DMD: variants seen among roughly 807,000 people sequenced by gnomAD.
DMD encodes the protein dystrophin.
In DMD, 63 loss-of-function variants were observed where a neutral mutation model predicts 330.1. The ratio of observed to expected loss-of-function variants is 0.19; its 90% CI spans 0.16 to 0.24. The LOEUF is 0.24. Among genes scored for constraint, DMD ranks in the 10% least tolerant of loss-of-function variants. The pLI is 1.00. For missense variants in DMD, 3,344 were observed against 2,684.1 expected (o/e 1.25, Z -5.43); for synonymous variants, 1,223 against 959.8 (o/e 1.27, Z -5.07).
chrX:33,088,881 C>T (rs2095046228), intron 1 of DMD, among the ~76,000 whole-genome samples: 1 of 110,260 alleles, frequency 9.1e-6, no homozygotes, highest in Non-Finnish European at 1.9e-5. Flanking sequence ...AAAAGTGACA[C>T]AAAAAGGTGA....
intron 1 of DMD, among the ~76,000 whole-genome samples, chrX:33,332,587 G>C (rs1381331894): frequency 9.0e-6 from 1 of 110,862 alleles, no homozygotes; most frequent in African/African-American, 3.3e-5. Flanking sequence ...AAAGACTTTT[G>C]GCTATTTGAT....
chrX:33,056,349 CTTTTTCTTTTCT>C (rs1361633386), intron 1 of DMD, among the ~76,000 whole-genome samples: 12 of 101,273 alleles, frequency 1.2e-4, no homozygotes, highest in African/African-American at 3.9e-4. Flanking sequence ...TTTTTTTTTT[CTTTTTCTTTTCT>C]TTTTTCTTTT....
chrX:31,353,420 C>T (rs552302145), intron 60 of DMD, among the ~76,000 whole-genome samples: 3 of 111,552 alleles, frequency 2.7e-5, no homozygotes, highest in African/African-American at 9.8e-5. Context: ...CAGAAAGAGG[C>T]TGTTGTAACT....
At chrX:33,107,749 TATTTATTC>T (rs926385668) in intron 1 of DMD, among the ~76,000 whole-genome samples, 1 of 111,954 alleles carries the variant, frequency 8.9e-6, no homozygotes, top group African/African-American at 3.2e-5. Context: ...AAGATTCATT[TATTTATTC>T]ATTCATTCAG....
chrX:32,796,920 CATTATTTTACCCAAAT>C (rs1036287752), intron 7 of DMD, among the ~76,000 whole-genome samples: 11 of 111,850 alleles, frequency 9.8e-5, no homozygotes, highest in African/African-American at 3.6e-4. Context: ...TTTAGTTCAT[CATTATTTTACCCAAAT>C]ATTGTTGTAA....
chrX:32,728,641 T>C lies in DMD; in HGVS notation c.650-29348A>G, dbSNP rs1417866864. ...CATTTCACCTTGGCCTATGAGAAAATGTGATAGTTATGGTATTAATTGATA... is the reference window on the plus strand; with the variant it reads ...CATTTCACCTTGGCCTATGAGAAAACGTGATAGTTATGGTATTAATTGATA... On this transcript the variant is annotated intron_variant, in intron 7 of 78. Coordinates refer to ENST00000357033, the MANE Select transcript of DMD (RefSeq NM_004006.3). 2.7e-5 allele frequency among the ~76,000 whole-genome samples: 3 copies of C among 112,104 alleles called. No individual in the cohort carries two copies. In the East Asian group the frequency reaches 8.4e-4, roughly 31 times the overall value.
At chrX:31,891,245 A>G (rs2149762460) in intron 47 of DMD, among the ~76,000 whole-genome samples, 1 of 111,827 alleles carries the variant, frequency 8.9e-6, no homozygotes, top group African/African-American at 3.2e-5. Context: ...AAGTGAATAC[A>G]ATTCAAAGAT....
At chrX:31,698,120 A>G (rs954021831) in intron 52 of DMD, among the ~76,000 whole-genome samples, 3 of 112,251 alleles carry the variant, frequency 2.7e-5, no homozygotes, top group African/African-American at 9.7e-5. Flanking sequence ...AGTGCACACT[A>G]TGGATCTCAC....
In DMD at chrX:33,230,969, A is replaced by AAAT. The variant is rs1557304613; in HGVS notation, c.7+108289_7+108290insATT. On this transcript the variant is annotated intron_variant, in intron 1 of 17. Coordinates refer to the DMD transcript ENST00000288447. The stretch of plus-strand genomic sequence containing the variant: ...GGAACATAATAGCCAAAAAAAAAAA[A>AAAT]AAATAAATAACAGTTGGAATCAGGC... 2.6e-4 allele frequency among the ~76,000 whole-genome samples: 27 copies of AAAT among 105,564 alleles called. 1 individual carries two copies. The South Asian group carries it at 5.6e-3, about 22-fold the overall frequency. 91.7% of individuals were successfully genotyped at this position (105,564 alleles called of 115,157 possible).
At chrX:32,685,824 A>C (rs1196915301) in intron 9 of DMD, among the ~76,000 whole-genome samples, 1 of 111,865 alleles carries the variant, frequency 8.9e-6, no homozygotes, top group African/African-American at 3.2e-5. Flanking sequence ...TTCCCCAAAG[A>C]TTTAATTGAT....
At chrX:32,623,347 C>A (rs552547457) in intron 11 of DMD, among the ~76,000 whole-genome samples, 1 of 110,893 alleles carries the variant, frequency 9.0e-6, no homozygotes, top group African/African-American at 3.3e-5. Context: ...AGTTTAACAG[C>A]CTTCATGACA....
chrX:32,970,201 A>T (rs1338817311), intron 2 of DMD, among the ~76,000 whole-genome samples: 1 of 94,323 alleles, frequency 1.1e-5, no homozygotes, highest in African/African-American at 4.8e-5. Flanking sequence ...GCAAAGAGAA[A>T]CTCCAAACTC....
chrX:31,446,821 G>A (rs1179980962), intron 59 of DMD, among the ~76,000 whole-genome samples: 3 of 112,039 alleles, frequency 2.7e-5, no homozygotes, highest in Non-Finnish European at 3.8e-5. Flanking sequence ...GGATAATAAC[G>A]TGCATTTCTA....
chrX:33,027,464 A>C (rs1328224462), intron 1 of DMD, among the ~76,000 whole-genome samples: 1 of 112,683 alleles, frequency 8.9e-6, no homozygotes, highest in Non-Finnish European at 1.9e-5. Flanking sequence ...ACTGTCTGAG[A>C]ATAAATGTAT....
intron 44 of DMD, among the ~76,000 whole-genome samples, chrX:31,996,685 A>T (rs1276884237): frequency 2.7e-5 from 3 of 111,864 alleles, no homozygotes; most frequent in Non-Finnish European, 5.7e-5. Flanking sequence ...GATACCTTAA[A>T]CTTCAGGGTT....
chrX:32,547,530 T>C (rs765167343), intron 16 of DMD, among the ~76,000 whole-genome samples: 1 of 111,104 alleles, frequency 9.0e-6, no homozygotes, highest in Non-Finnish European at 1.9e-5. Flanking sequence ...AAGAAAACTG[T>C]GCATTCACCC....
Position 32,343,151 on chromosome X carries a change from C to G in DMD, c.5722G>C (p.Asp1908His). 2 of 1,210,739 alleles carry G rather than the reference C, an allele frequency of 1.7e-6. No individual in the cohort carries two copies. Among genetic ancestry groups the G allele is most frequent in the Non-Finnish European group, 2.2e-6 (2 of 894,885 alleles). ...KKLASLPEPR[D>H]ERKIKEIDRE... ...AACATTACCTTTATTTTCCTTTCAT[C>G]TCTGGGCTCAGGTAGGCTGGCTAAT... Residue 1908 changes from aspartate to histidine, a missense_variant, in exon 40 of 79, where the codon GAT (aspartate) becomes CAT (histidine). By Grantham distance (81) the Asp-to-His change is moderately conservative. Transcript: ENST00000357033.
intron 18 of DMD, among the ~76,000 whole-genome samples, chrX:32,513,056 G>A (rs552963725): frequency 1.8e-5 from 2 of 112,173 alleles, no homozygotes; most frequent in South Asian, 7.4e-4. Context: ...TTTGGACAAT[G>A]CTATTCTTTT....
In DMD at chrX:31,857,379, G is replaced by A. The variant is rs778917739; in HGVS notation, c.7098+17809C>T. On this transcript the variant is annotated intron_variant, in intron 48 of 78. Coordinates refer to ENST00000357033, the MANE Select transcript of DMD (RefSeq NM_004006.3). ...GGGTGATGGAGCAAGACTCCACCTC[G>A]GAAAAAAAAAAAAAAAAAAAAAAAA... 1.6e-3 allele frequency among the ~76,000 whole-genome samples: 32 copies of A among 19,613 alleles called. No individual in the cohort carries two copies. The African/African-American group carries it at 0.018, about 11-fold the overall frequency. The allele number at this position is 19,613 out of a possible 115,157, so 17.0% of individuals were successfully genotyped here. A position where few individuals can be genotyped will look rare whatever the true frequency, so the allele number is the denominator to read the frequency against.
Sources: allele counts gnomAD v4.1 joint callset (sites outside exome capture counted in the v4.1 genomes callset), GRCh38; gene constraint gnomAD v4.1.1; transcripts MANE v1.5; gene names NCBI Gene and HGNC (gene_info 2026-07-23, HGNC 2026-07-21).